Variants in CABLES1 observed in about 807,000 individuals in gnomAD.
CABLES1 encodes the protein Cdk5 and Abl enzyme substrate 1.
CABLES1 carries 36 observed loss-of-function variants against 57.8 expected under a neutral mutation model. That is an observed-to-expected ratio of 0.62 (90% confidence interval 0.48 to 0.82). CABLES1 has a LOEUF of 0.82. Among genes scored for constraint, CABLES1 ranks in the 40% least tolerant of loss-of-function variants. The pLI is 0.00. For synonymous variants in CABLES1, 374 were observed against 363.0 expected (o/e 1.03, Z -0.35); for missense variants, 767 against 836.6 (o/e 0.92, Z 1.03).
chr18:23,139,549 A>G (rs1489985877), intron 1 of CABLES1, among the ~76,000 whole-genome samples: 1 of 152,214 alleles, frequency 6.6e-6, no homozygotes, highest in Non-Finnish European at 1.5e-5. Flanking sequence ...CAGGGAGGAA[A>G]ATTCTGTGCA....
chr18:23,248,469 C>G (rs1351675173), intron 7 of CABLES1, among the ~76,000 whole-genome samples: 2 of 149,062 alleles, frequency 1.3e-5, no homozygotes, highest in Non-Finnish European at 3.0e-5. Context: ...TCACTTGGCC[C>G]AGGATTTAGC....
chr18:23,222,611 A>G (rs1156374169), intron 4 of CABLES1, among the ~76,000 whole-genome samples: 2 of 149,940 alleles, frequency 1.3e-5, no homozygotes, highest in Non-Finnish European at 3.0e-5. Context: ...ATATAGATAT[A>G]TACACAGATA....
rs1411672527 is a variant in CABLES1, at chr18:23,136,065, CTGCGGCGCG to C, written c.304_312del (p.Cys102_Ala104del). ...CGGCCAAGCCGGGCGCCGGCGGCGC[CTGCGGCGCG>C]AGGACTCGGTTCAGCTTGCTCGCCG... On this transcript the variant is annotated inframe_deletion, in exon 1 of 10. Transcript: ENST00000256925. 8 of 1,111,920 alleles carry C rather than the reference CTGCGGCGCG, an allele frequency of 7.2e-6. No homozygotes were observed. The highest frequency in any genetic ancestry group is 8.9e-6 in the Non-Finnish European group (8 of 903,282). 68.9% of individuals were successfully genotyped at this position (1,111,920 alleles called of 1,614,324 possible). A position where few individuals can be genotyped will look rare whatever the true frequency, so the allele number is the denominator to read the frequency against.
intron 1 of CABLES1, among the ~76,000 whole-genome samples, chr18:23,166,973 C>G (rs941463764): frequency 5.9e-5 from 9 of 152,114 alleles, no homozygotes; most frequent in Non-Finnish European, 1.0e-4. Flanking sequence ...GTGGCATTTC[C>G]CCCGTTTTAT....
At chr18:23,236,629 A>C (rs1421852069) in intron 6 of CABLES1, among the ~76,000 whole-genome samples, 1 of 152,162 alleles carries the variant, frequency 6.6e-6, no homozygotes, top group Non-Finnish European at 1.5e-5. Context: ...GGTCTGCCCA[A>C]GTGCTGAGTT....
chr18:23,193,101 A>C (rs1003492657), intron 2 of CABLES1, among the ~76,000 whole-genome samples: 1 of 152,100 alleles, frequency 6.6e-6, no homozygotes, highest in Non-Finnish European at 1.5e-5. Flanking sequence ...GGGAGTGTCA[A>C]TCCCAACCCC....
Position 23,243,474 on chromosome 18 carries a change from T to TTG in CABLES1, c.1446+6230_1446+6231insGT, listed in dbSNP as rs1248298481. ...TTTTGGGTGTGGGTTTGGTGTTTTT[T>TTG]TTTTTTTTTTTTTTTGGTCTTTTTG... On this transcript the variant is annotated intron_variant, in intron 7 of 9. Coordinates refer to ENST00000256925, the MANE Select transcript of CABLES1 (RefSeq NM_001100619.3). Among the ~76,000 whole-genome samples, 623 of 150,532 alleles carry TTG rather than the reference T, an allele frequency of 4.1e-3. 8 individuals carry two copies. The highest frequency in any genetic ancestry group is 0.014 in the African/African-American group (583 of 41,206).
chr18:23,220,421 A>G (rs2047478328), intron 4 of CABLES1, among the ~76,000 whole-genome samples: 1 of 152,122 alleles, frequency 6.6e-6, no homozygotes, highest in South Asian at 2.1e-4. Flanking sequence ...AGGGGCTGAG[A>G]AAGGCTTAGC....
chr18:23,181,013 G>A (rs528754473), intron 1 of CABLES1, among the ~76,000 whole-genome samples: 95 of 152,266 alleles, frequency 6.2e-4, no homozygotes, highest in African/African-American at 2.2e-3. Flanking sequence ...TTGAGGCTTG[G>A]TGACTAAGTC....
chr18:23,260,224 G>A lies in CABLES1; in HGVS notation c.*2857G>A, dbSNP rs2048261840. On this transcript the variant is annotated 3_prime_UTR_variant, in exon 10 of 10. Coordinates refer to ENST00000256925, the MANE Select transcript of CABLES1 (RefSeq NM_001100619.3). ...CCGCTAATAAAACCTATTTAAACAG[G>A]AAATTCATACCAAATGCAAATGGGT... is the stretch of plus-strand genomic sequence containing the variant. 1 of 152,164 alleles carries A rather than the reference G, an allele frequency of 6.6e-6. No individual in the cohort carries two copies. The highest frequency in any genetic ancestry group is 1.5e-5 in the Non-Finnish European group (1 of 68,038). 9.4% of individuals were successfully genotyped at this position (152,164 alleles called of 1,614,324 possible). A position where few individuals can be genotyped will look rare whatever the true frequency, so the allele number is the denominator to read the frequency against.
chr18:23,147,226 C>T (rs549427578), intron 1 of CABLES1, among the ~76,000 whole-genome samples: 9 of 152,298 alleles, frequency 5.9e-5, no homozygotes, highest in African/African-American at 1.2e-4. Context: ...GCACCCCTGC[C>T]GCTAGGCCTC....
At position 23,194,413 on chromosome 18, in the gene CABLES1, A is replaced by G. The variant is rs1458429596; in HGVS notation, c.918-35A>G. 8 of 1,356,004 alleles carry G rather than the reference A, an allele frequency of 5.9e-6. No homozygotes were observed. In the African/African-American group the frequency reaches 1.1e-4, roughly 19 times the overall value. The allele number at this position is 1,356,004 out of a possible 1,614,324, so 84.0% of individuals were successfully genotyped here. A position where few individuals can be genotyped will look rare whatever the true frequency, so the allele number is the denominator to read the frequency against. On this transcript the variant is annotated intron_variant, in intron 2 of 9. Coordinates refer to ENST00000256925, the MANE Select transcript of CABLES1 (RefSeq NM_001100619.3). ...AGACGTCTCAGCTGTCCAGCAGGCA[A>G]CTGACTGTGTTTTTGAAATGACTTT...
At chr18:23,236,581 A>G (rs1030763880) in intron 6 of CABLES1, among the ~76,000 whole-genome samples, 1 of 152,000 alleles carries the variant, frequency 6.6e-6, no homozygotes, top group African/African-American at 2.4e-5. Context: ...TGCCGTGTCT[A>G]CTCTCAGGGA....
chr18:23,249,793 G>A (rs990396371), intron 7 of CABLES1, among the ~76,000 whole-genome samples: 1 of 152,042 alleles, frequency 6.6e-6, no homozygotes, highest in African/African-American at 2.4e-5. Context: ...CGATCTTCTC[G>A]GACATCCTGG....
intron 7 of CABLES1, among the ~76,000 whole-genome samples, chr18:23,249,269 A>G (rs763887374): frequency 4.2e-4 from 64 of 152,228 alleles, no homozygotes; most frequent in Non-Finnish European, 6.9e-4. Context: ...CAGCCTCCGT[A>G]GCACAACAGG....
In CABLES1 at chr18:23,230,382, C is replaced by CA. The variant is rs1392411684; in HGVS notation, c.1089-4218dup. ...GCAAGACTCCATCTCAAAACAAAAA[C>CA]AAAAAAAACCTATAAGAAACTGACA... On this transcript the variant is annotated intron_variant, in intron 4 of 9. Transcript: ENST00000256925. Among the ~76,000 whole-genome samples, 8 of 151,906 alleles carry CA rather than the reference C, an allele frequency of 5.3e-5. No homozygotes were observed. The East Asian group carries it at 5.8e-4, about 11-fold the overall frequency.
intron 7 of CABLES1, among the ~76,000 whole-genome samples, chr18:23,245,953 C>G (rs1021232310): frequency 1.9e-4 from 29 of 152,332 alleles, no homozygotes; most frequent in Admixed American, 1.3e-4. Flanking sequence ...ATCCCATGGC[C>G]TGGAGTTAGG....
chr18:23,247,232 A>G (rs79525945), intron 7 of CABLES1, among the ~76,000 whole-genome samples: 1,635 of 152,370 alleles, frequency 0.011, 33 homozygotes, highest in African/African-American at 0.037. Flanking sequence ...CCCTCAAGAC[A>G]GGATGTGCCG....
intron 9 of CABLES1, 74 bp downstream of exon 9, chr18:23,254,010 T>A: frequency 8.0e-7 from 1 of 1,255,472 alleles, no homozygotes; most frequent in South Asian, 1.2e-5. Flanking sequence ...AAGGATTCGG[T>A]CAGTGACCCT....
Sources: gnomAD v4.1 joint callset for allele counts (sites outside exome capture counted in the v4.1 genomes callset) on GRCh38, gnomAD v4.1.1 for gene constraint, MANE v1.5 for transcripts, NCBI Gene and HGNC (gene_info 2026-07-23, HGNC 2026-07-21) for gene names.